IDH3G: variants seen among roughly 807,000 people sequenced by gnomAD.
IDH3G encodes the protein isocitrate dehydrogenase [NAD] subunit gamma, mitochondrial.
IDH3G carries 9 observed loss-of-function variants against 26.9 expected under a neutral mutation model. The observed-to-expected ratio is 0.34, with a 90% confidence interval of 0.20 to 0.58. The LOEUF (loss-of-function observed/expected upper bound fraction) is 0.58. Among genes scored for constraint, IDH3G ranks in the 20% least tolerant of loss-of-function variants. The pLI, the probability that IDH3G is intolerant of heterozygous loss-of-function variation, is 0.85. For synonymous variants in IDH3G, 181 were observed against 160.0 expected, an observed-to-expected ratio of 1.13 and a Z score of -0.99; for missense variants, 250 against 372.8, an observed-to-expected ratio of 0.67 and a Z score of 2.71.
Position 153,788,063 on chromosome X carries a change from C to G in IDH3G, c.407+12G>C. On this transcript the variant is annotated intron_variant, in intron 6 of 12. Transcript: ENST00000217901. Reference sequence around the variant, plus strand: ...CCCCACCAAGCCCCCAGCCCGCACACCCGGATCTCACCGAAGGATGTTGTT... The same window carrying G: ...CCCCACCAAGCCCCCAGCCCGCACAGCCGGATCTCACCGAAGGATGTTGTT... 4 of 1,211,804 alleles carry G rather than the reference C, an allele frequency of 3.3e-6. No individual in the cohort carries two copies. Among genetic ancestry groups the G allele is most frequent in the Non-Finnish European group, 4.5e-6 (4 of 895,329 alleles).
Position 153,790,297 on chromosome X carries a change from G to A in IDH3G, c.136-5C>T. 1.7e-6 allele frequency: 2 copies of A among 1,195,700 alleles called. No homozygotes were observed. The highest frequency in any genetic ancestry group is 2.3e-6 in the Non-Finnish European group (2 of 880,652). On this transcript the variant is annotated splice_region_variant and splice_polypyrimidine_tract_variant and intron_variant, in intron 3 of 12. Coordinates refer to ENST00000217901, the MANE Select transcript of IDH3G (RefSeq NM_004135.4). ...GCCATACTTAGCGGACGGAGGCTGT[G>A]GGAGGCAGAGGGTGAAGGTGGGCCT...
At chrX:153,792,300 A>AG (rs1557070684) in intron 1 of IDH3G, 1 of 112,590 alleles carries the variant, frequency 8.9e-6, no homozygotes, top group Non-Finnish European at 1.9e-5. Context: ...AGCACATCAG[A>AG]AAATGAAAAA....
In IDH3G at chrX:153,793,223, C is replaced by T. The variant is rs782203954; in HGVS notation, c.81+1023G>A. ...TGTCTTCACCAAGAGCCTACAGGAG[C>T]CCAGTTGCTGGAGCCATCAGAGCCT... On this transcript the variant is annotated intron_variant, in intron 1 of 12. Transcript: ENST00000217901. Among the ~76,000 whole-genome samples, 22 of 111,756 alleles carry T rather than the reference C, an allele frequency of 2.0e-4. No homozygotes were observed. In the South Asian group the frequency reaches 7.9e-3, roughly 40 times the overall value.
In IDH3G at chrX:153,787,478, G is replaced by A. The variant is rs375419603; in HGVS notation, c.660C>T (p.His220=). 1.1e-5 allele frequency: 13 copies of A among 1,210,220 alleles called. No homozygotes were observed. The highest frequency in any genetic ancestry group is 1.3e-5 in the Non-Finnish European group (12 of 895,210). ...AGGGGACATACATGATGTTGGCCTT[G>A]TGCACGGCCGTCACTTTCTTGCGCC... is the stretch of plus-strand genomic sequence containing the variant. ...ESGRKKVTAV[H]KANIMKLGDG... Residue 220 remains histidine, a synonymous_variant, in exon 8 of 13, where the codon CAC becomes CAT. Coordinates refer to ENST00000217901, the MANE Select transcript of IDH3G (RefSeq NM_004135.4).
At chrX:153,789,095 C>T (rs782121079) in intron 5 of IDH3G, 1 of 342,393 alleles carries the variant, frequency 2.9e-6, no homozygotes, top group South Asian at 2.6e-5. Flanking sequence ...TGGACAGGCT[C>T]ACACACAGCT....
chrX:153,790,806 T>C lies in IDH3G; in HGVS notation c.123+4A>G. The C allele has an allele frequency of 8.3e-7, 1 of 1,210,251 alleles. No homozygotes were observed. Among genetic ancestry groups the C allele is most frequent in the Non-Finnish European group, 1.1e-6 (1 of 893,947 alleles). On this transcript the variant is annotated splice_donor_region_variant and intron_variant, in intron 2 of 12. Transcript: ENST00000217901. ...CACATGCGTGGGCACGGGCAGGTAC[T>C]TACTGAAAAGATGTTCCTCGAGGGG... is the stretch of plus-strand genomic sequence containing the variant.
intron 10 of IDH3G, 27 bp from the exon 11 acceptor site, chrX:153,786,476 G>A: frequency 1.9e-6 from 2 of 1,077,422 alleles, no homozygotes; most frequent in Non-Finnish European, 2.5e-6. Context: ...AAGGAGAGTG[G>A]GTGGAGGGCA....
rs2148447395 is a variant in IDH3G, at chrX:153,794,030, C to T, written c.81+216G>A. 3 of 380,974 alleles carry T rather than the reference C, an allele frequency of 7.9e-6. No individual in the cohort carries two copies. The Admixed American group carries it at 1.5e-4, about 19-fold the overall frequency. The allele number at this position is 380,974 out of a possible 1,213,427, so 31.4% of individuals were successfully genotyped here. On this transcript the variant is annotated intron_variant, in intron 1 of 12. Transcript: ENST00000217901. ...CCCGGCCCGTCCGGAGGGCCCCCCG[C>T]CACCCGATGCAGACCCCCTGGGGGA...
chrX:153,788,195 A>T, intron 5 of IDH3G, 60 bp from the exon 6 acceptor site: 3 of 1,115,206 alleles, frequency 2.7e-6, no homozygotes, highest in Non-Finnish European at 3.7e-6. Context: ...TCAGCAGGGC[A>T]GCTGAAGGCT....
chrX:153,791,049 A>T, intron 1 of IDH3G, 198 bp from the exon 2 acceptor site: 1 of 399,807 alleles, frequency 2.5e-6, no homozygotes, highest in Non-Finnish European at 4.4e-6. Context: ...TGGAAAGTAG[A>T]AGGCGCTCCA....
At chrX:153,791,982 C>G (rs1194149620) in intron 1 of IDH3G, among the ~76,000 whole-genome samples, 1 of 112,312 alleles carries the variant, frequency 8.9e-6, no homozygotes, top group Non-Finnish European at 1.9e-5. Flanking sequence ...CGGGTCGGGA[C>G]TTTTCTGTCT....
At chrX:153,789,889 C>G in intron 4 of IDH3G, 65 bp from the exon 5 acceptor site, 1 of 734,668 alleles carries the variant, frequency 1.4e-6, no homozygotes, top group Non-Finnish European at 2.1e-6. Flanking sequence ...GGAAGCCTGC[C>G]CAGGCTACCT....
At chrX:153,788,210 G>A (rs2092096823) in intron 5 of IDH3G, 75 bp from the exon 6 acceptor site, 3 of 1,030,429 alleles carry the variant, frequency 2.9e-6, no homozygotes, top group Non-Finnish European at 4.1e-6. Flanking sequence ...AAGGCTGCCG[G>A]GGTCAGAAGA....
intron 1 of IDH3G, among the ~76,000 whole-genome samples, chrX:153,791,609 A>G (rs1186468682): frequency 2.7e-5 from 3 of 112,861 alleles, no homozygotes; most frequent in Non-Finnish European, 1.9e-5. Flanking sequence ...CTGTCCTGGA[A>G]GAAGCCCCAC....
chrX:153,786,920 C>A lies in IDH3G; in HGVS notation c.805G>T (p.Val269Phe). 1.7e-6 allele frequency: 2 copies of A among 1,209,914 alleles called. No individual in the cohort carries two copies. Among genetic ancestry groups the A allele is most frequent in the Non-Finnish European group, 2.2e-6 (2 of 894,046 alleles). Residue 269 changes from valine to phenylalanine, a missense_variant, in exon 10 of 13, where the codon GTC becomes TTC. By Grantham distance (50) the Val-to-Phe change is conservative. Transcript: ENST00000217901. Reference protein sequence around the residue: ...QLVSRPQQFDVMVMPNLYGNI... With the variant: ...QLVSRPQQFDFMVMPNLYGNI... ...CCATAGAGATTGGGCATCACCATGA[C>A]ATCAAACTGCTGGGGCCGGGACACC... is the stretch of plus-strand genomic sequence containing the variant.
intron 8 of IDH3G, 83 bp from the exon 9 acceptor site, chrX:153,787,236 A>G: frequency 1.2e-6 from 1 of 817,353 alleles, no homozygotes; most frequent in East Asian, 3.3e-5. Context: ...GGGCCCCAGG[A>G]GGCTGGGGTC....
rs1323365208 is a variant in IDH3G at position 153,787,501 on chromosome X, G to A, written c.637C>T (p.Arg213Cys). 1 of 1,211,378 alleles carries A rather than the reference G, an allele frequency of 8.3e-7. No homozygotes were observed. Among genetic ancestry groups the A allele is most frequent in the Non-Finnish European group, 1.1e-6 (1 of 895,391 alleles). Residue 213 changes from arginine to cysteine, a missense_variant, in exon 8 of 13, where the codon CGC (arginine) becomes TGC (cysteine). Around this residue, in one of 2 missense-constraint regions of IDH3G, gnomAD observed 201 missense variants for 331.3 expected, o/e 0.61. Coordinates refer to ENST00000217901, the MANE Select transcript of IDH3G (RefSeq NM_004135.4). ...YAFKLAQESG[R>C]KKVTAVHKAN... ...TTGTGCACGGCCGTCACTTTCTTGCGCCCGCTCTCCTGCGCCAGCTTGAAG... is the reference window on the plus strand; with the variant it reads ...TTGTGCACGGCCGTCACTTTCTTGCACCCGCTCTCCTGCGCCAGCTTGAAG...
intron 3 of IDH3G, 83 bp from the exon 4 acceptor site, chrX:153,790,375 C>T: frequency 1.1e-6 from 1 of 939,437 alleles, no homozygotes; most frequent in Non-Finnish European, 1.5e-6. Context: ...AGCCAATTCC[C>T]TTCTTCCCAC....
chrX:153,791,788 C>T (rs2092110265), intron 1 of IDH3G, among the ~76,000 whole-genome samples: 1 of 112,284 alleles, frequency 8.9e-6, no homozygotes, highest in African/African-American at 3.2e-5. Context: ...AAGGCTCGGG[C>T]GGAGTCTGAC....
Sources: allele counts gnomAD v4.1 joint callset (sites outside exome capture counted in the v4.1 genomes callset), GRCh38; gene constraint gnomAD v4.1.1; regional missense constraint gnomAD v4.1.1; transcripts MANE v1.5; gene names NCBI Gene and HGNC (gene_info 2026-07-23, HGNC 2026-07-21).